The following CHMP2B variants were observed in gnomAD, a reference collection of about 807,000 sequenced individuals.
CHMP2B encodes the protein VPS2 homolog B.
CHMP2B carries 22 observed loss-of-function variants against 29.8 expected under a neutral mutation model. The observed-to-expected ratio is 0.74, with a 90% CI of 0.53 to 1.05. The LOEUF (loss-of-function observed/expected upper bound fraction) is 1.05, where lower values mean the gene tolerates loss of function less well. CHMP2B is among the 50% of genes least tolerant of loss of function. The probability of loss-of-function intolerance (pLI) is 0.00; values close to 1 mark genes in which losing one functional copy is unlikely to be tolerated. For synonymous variants in CHMP2B, 78 were observed against 75.8 expected (o/e 1.03, Z -0.15); for missense variants, 261 against 252.2 (o/e 1.03, Z -0.24).
chr3:87,253,052 T>A (rs1263878237), intron 4 of CHMP2B: 1 of 215,924 alleles, frequency 4.6e-6, no homozygotes, highest in Non-Finnish European at 9.4e-6. Context: ...TATTCTTGCA[T>A]ATTCTTCCTC....
At chr3:87,246,228 C>T (rs1040525913) in intron 3 of CHMP2B, among the ~76,000 whole-genome samples, 1 of 151,970 alleles carries the variant, frequency 6.6e-6, no homozygotes, top group Admixed American at 6.6e-5. Context: ...TCCTCCGCCT[C>T]CTGGATTCAA....
rs146749265 is a variant in CHMP2B at position 87,239,063 on chromosome 3, G to C, written c.35-1636G>C. Among the ~76,000 whole-genome samples the C allele has an allele frequency of 8.2e-3, 1,243 of 152,148 alleles. 9 individuals are homozygous for C. Among genetic ancestry groups the C allele is most frequent in the Non-Finnish European group, 0.014 (977 of 67,952 alleles). ...TTTTATGTGTTCATTGGCCATTTGT[G>C]TATCTTCTTTGGCAAAACGTCTGTT... is the stretch of plus-strand genomic sequence containing the variant. On this transcript the variant is annotated intron_variant, in intron 1 of 5. Coordinates refer to ENST00000263780, the MANE Select transcript of CHMP2B (RefSeq NM_014043.4).
chr3:87,248,359 T>G (rs1202464520), intron 3 of CHMP2B, among the ~76,000 whole-genome samples: 2 of 151,554 alleles, frequency 1.3e-5, no homozygotes, highest in East Asian at 3.9e-4. Context: ...ACCTTATTCT[T>G]TTTGAGTGTC....
At chr3:87,233,808 C>T (rs931817885) in intron 1 of CHMP2B, among the ~76,000 whole-genome samples, 16 of 152,188 alleles carry the variant, frequency 1.1e-4, no homozygotes, top group African/African-American at 3.6e-4. Flanking sequence ...TTTAGAGTAA[C>T]TGATAGGCAA....
Position 87,245,848 on chromosome 3 carries a change from A to G in CHMP2B, c.261A>G (p.Thr87=), listed in dbSNP as rs1706201783. The G allele has an allele frequency of 6.2e-7, 1 of 1,613,658 alleles. No homozygotes were observed. Among genetic ancestry groups the G allele is most frequent in the Admixed American group, 1.7e-5 (1 of 59,988 alleles). Residue 87 remains threonine (T), a synonymous_variant, in exon 3 of 6, where the codon ACA becomes ACG. Coordinates refer to ENST00000263780, the MANE Select transcript of CHMP2B (RefSeq NM_014043.4). ...AVSSKVTSMS[T]QTKVMNSQMK... ...GTTCAAAAGTTACTTCTATGTCTAC[A>G]CAAACAAAAGTGATGAATTCCCAAA...
At chr3:87,253,295 G>GT (rs1480056727) in intron 4 of CHMP2B, 109 bp from the exon 5 acceptor site, 1 of 720,316 alleles carries the variant, frequency 1.4e-6, no homozygotes, top group East Asian at 2.7e-5. Context: ...TGTTCACTGA[G>GT]TTTGCCTTCT....
chr3:87,239,324 A>G (rs959315228), intron 1 of CHMP2B, among the ~76,000 whole-genome samples: 5 of 151,924 alleles, frequency 3.3e-5, no homozygotes, highest in African/African-American at 1.2e-4. Flanking sequence ...TTAATGTCAT[A>G]TTTAAGAATG....
rs538072644 is a variant in CHMP2B, at chr3:87,245,727, A to G, written c.140A>G (p.Lys47Arg). ...TTCTTCTCTTAGGAATTAGAAATTA[A>G]GAAAATGGCCAAGATTGGTAATAAG... is the stretch of plus-strand genomic sequence containing the variant. ...KQEKQLELEI[K>R]KMAKIGNKEA... The change falls in exon 3 of 6, where the codon AAG (lysine) becomes AGG (arginine). Residue 47 changes from lysine to arginine, a missense_variant. Physicochemically the swap from Lys to Arg is conservative, Grantham distance 26. Coordinates refer to ENST00000263780, the MANE Select transcript of CHMP2B (RefSeq NM_014043.4). 5 of 1,613,334 alleles carry G rather than the reference A, an allele frequency of 3.1e-6. No homozygotes were observed. In the South Asian group the frequency reaches 5.5e-5, roughly 18 times the overall value.
intron 3 of CHMP2B, among the ~76,000 whole-genome samples, chr3:87,246,215 G>T (rs1397763153): frequency 1.3e-5 from 2 of 151,690 alleles, no homozygotes; most frequent in East Asian, 3.9e-4. Flanking sequence ...TTGGCTCCCT[G>T]CATCCTCCGC....
Position 87,227,494 on chromosome 3 carries a change from G to A in CHMP2B, c.-29G>A. 1.9e-6 allele frequency: 3 copies of A among 1,614,068 alleles called. 1 individual carries two copies. Among genetic ancestry groups the A allele is most frequent in the Non-Finnish European group, 2.5e-6 (3 of 1,179,956 alleles). On this transcript the variant is annotated 5_prime_UTR_variant, in exon 1 of 6. Coordinates refer to ENST00000263780, the MANE Select transcript of CHMP2B (RefSeq NM_014043.4). ...CCAGCGTTGGGCCGGACCGGGCCGA[G>A]CCGGGCCGCCCGGGCGCAGTCTTTA...
intron 1 of CHMP2B, among the ~76,000 whole-genome samples, chr3:87,238,398 T>C (rs994461482): frequency 6.6e-6 from 1 of 152,134 alleles, no homozygotes; most frequent in African/African-American, 2.4e-5. Context: ...ACCACCTGTA[T>C]CTAGTTCTAA....
chr3:87,237,288 C>T (rs1453484150), intron 1 of CHMP2B, among the ~76,000 whole-genome samples: 1 of 152,042 alleles, frequency 6.6e-6, no homozygotes, highest in East Asian at 1.9e-4. Flanking sequence ...GGGATAGGGC[C>T]CTTAAGTATG....
intron 1 of CHMP2B, among the ~76,000 whole-genome samples, chr3:87,227,842 TGAGTG>T (rs1165777089): frequency 6.6e-6 from 1 of 152,196 alleles, no homozygotes; most frequent in Non-Finnish European, 1.5e-5. Context: ...AGCTGGCCCT[TGAGTG>T]TCAATAAACT....
intron 1 of CHMP2B, among the ~76,000 whole-genome samples, chr3:87,236,327 A>G (rs573310629): frequency 6.6e-6 from 1 of 152,302 alleles, no homozygotes; most frequent in Admixed American, 6.5e-5. Context: ...AGACATTCCT[A>G]TCATTCAGGA....
chr3:87,238,607 C>T (rs1042240044), intron 1 of CHMP2B, among the ~76,000 whole-genome samples: 3 of 152,134 alleles, frequency 2.0e-5, no homozygotes, highest in Non-Finnish European at 2.9e-5. Context: ...TTGAGGTTCA[C>T]GCATGTTGTA....
chr3:87,249,596 A>G (rs1161288079), intron 3 of CHMP2B, among the ~76,000 whole-genome samples: 1 of 152,058 alleles, frequency 6.6e-6, no homozygotes, highest in Admixed American at 6.6e-5. Flanking sequence ...TTTGAATAGC[A>G]AAGGATTTTA....
At chr3:87,248,807 G>T (rs906085540) in intron 3 of CHMP2B, among the ~76,000 whole-genome samples, 7 of 152,024 alleles carry the variant, frequency 4.6e-5, no homozygotes, top group African/African-American at 1.7e-4. Flanking sequence ...AGAATACTTT[G>T]GCTACTGCAT....
intron 1 of CHMP2B, among the ~76,000 whole-genome samples, 191 bp downstream of exon 1, chr3:87,227,747 TA>T (rs2106887203): frequency 6.6e-6 from 1 of 152,348 alleles, no homozygotes; most frequent in South Asian, 2.1e-4. Context: ...TAGGCTCACC[TA>T]GGCAGTCTGG....
At position 87,245,849 on chromosome 3, in the gene CHMP2B, C is replaced by G; in HGVS notation, c.262C>G (p.Gln88Glu). The G allele has an allele frequency of 6.2e-7, 1 of 1,613,434 alleles. No homozygotes were observed. The highest frequency in any genetic ancestry group is 1.1e-5 in the South Asian group (1 of 90,882). Residue 88 changes from glutamine to glutamate, a missense_variant, in exon 3 of 6, where the codon CAA becomes GAA. Transcript: ENST00000263780. ...VSSKVTSMST[Q>E]TKVMNSQMKM... ...TTCAAAAGTTACTTCTATGTCTACA[C>G]AAACAAAAGTGATGAATTCCCAAAT...
Sources: allele counts gnomAD v4.1 joint callset (sites outside exome capture counted in the v4.1 genomes callset), GRCh38; gene constraint gnomAD v4.1.1; transcripts MANE v1.5; gene names NCBI Gene and HGNC (gene_info 2026-07-23, HGNC 2026-07-21).